Variants in PDE4A observed in about 807,000 individuals in gnomAD.
PDE4A encodes the protein phosphodiesterase 4A, also known as 3',5'-cyclic-AMP phosphodiesterase 4A.
In PDE4A, 21 loss-of-function variants were observed where a neutral mutation model predicts 73.9. The observed-to-expected ratio is 0.28, with a 90% CI of 0.20 to 0.41. The LOEUF is 0.41. Ranked by LOEUF, PDE4A falls within the 10% of genes least tolerant of loss-of-function variation. The pLI is 1.00. For missense variants in PDE4A, 958 were observed against 1,211.4 expected (o/e 0.79, Z 3.10); for synonymous variants, 463 against 505.4 (o/e 0.92, Z 1.13).
intron 1 of PDE4A, among the ~76,000 whole-genome samples, chr19:10,433,659 C>CCT (rs1336373857): frequency 1.3e-5 from 2 of 152,164 alleles, no homozygotes. Flanking sequence ...CACAGACCTC[C>CCT]CTCTCCCCCA....
At chr19:10,464,014 G>T (rs762914219) in intron 14 of PDE4A, 39 bp downstream of exon 14, 8 of 1,612,156 alleles carry the variant, frequency 5.0e-6, no homozygotes, top group Non-Finnish European at 6.8e-6. Context: ...CACAGGGTGA[G>T]TCTCCCCAGC....
chr19:10,454,989 C>G lies in PDE4A; in HGVS notation c.877+67C>G, dbSNP rs189264790. 4.2e-4 allele frequency: 620 copies of G among 1,481,532 alleles called. 1 individual carries two copies. The African/African-American group carries it at 7.6e-3, about 18-fold the overall frequency. The allele number at this position is 1,481,532 out of a possible 1,614,324, so 91.8% of individuals were successfully genotyped here. A position where few individuals can be genotyped will look rare whatever the true frequency, so the allele number is the denominator to read the frequency against. ...GGGGTAGAGAGGGGGCTGCCCCTGACCGTGGGTCCTGTTGCTCACATCTTC... is the reference window on the plus strand; with the variant it reads ...GGGGTAGAGAGGGGGCTGCCCCTGAGCGTGGGTCCTGTTGCTCACATCTTC... On this transcript the variant is annotated intron_variant, in intron 7 of 14. Transcript: ENST00000380702.
rs372643076 is a variant in PDE4A at position 10,458,031 on chromosome 19, A to T, written c.1030A>T (p.Ser344Cys). 1.2e-6 allele frequency: 2 copies of T among 1,613,826 alleles called. No individual in the cohort carries two copies. The highest frequency in any genetic ancestry group is 2.2e-5 in the East Asian group (1 of 44,900). ...CACAGGGTTGAAAAAGTTGATGCAT[A>T]GTAACAGCCTGAACAACTCTAACAT... ...QITGLKKLMH[S>C]NSLNNSNIPR... The change falls in exon 8 of 15, where the codon AGT becomes TGT. Residue 344 changes from serine to cysteine, a missense_variant. Physicochemically the swap from Ser to Cys is moderately radical, Grantham distance 112 (BLOSUM62 -1). Around this residue, in one of 3 missense-constraint regions of PDE4A, gnomAD observed 570 missense variants for 827.7 expected, o/e 0.69. Transcript: ENST00000380702. This position sits in a 1 kb window ranked among gnomAD's most constrained non-coding sequence, Gnocchi z 4.6.
intron 9 of PDE4A, 30 bp downstream of exon 9, chr19:10,459,528 G>A: frequency 6.2e-7 from 1 of 1,611,648 alleles, no homozygotes; most frequent in Non-Finnish European, 8.5e-7. Flanking sequence ...GTGGGCCCGG[G>A]TGAGGGGCTC....
rs745360517 is a variant in PDE4A, at chr19:10,420,739, C to G, written c.-26C>G. ...TGTAGGTTGGAAGGGCCAGGGCCCC[C>G]TGGGGCGCAAGTGGGGGCCGGCGCC... is the stretch of plus-strand genomic sequence containing the variant. On this transcript the variant is annotated 5_prime_UTR_variant, in exon 1 of 15. Transcript: ENST00000380702. This position sits in a 1 kb window ranked among gnomAD's most constrained non-coding sequence, Gnocchi z 6.0. 2 of 1,523,992 alleles carry G rather than the reference C, an allele frequency of 1.3e-6. No individual in the cohort carries two copies. Among genetic ancestry groups the G allele is most frequent in the Admixed American group, 2.1e-5 (1 of 48,696 alleles). 94.4% of individuals were successfully genotyped at this position (1,523,992 alleles called of 1,614,324 possible).
chr19:10,459,803 G>T (rs199990958), intron 10 of PDE4A, 44 bp downstream of exon 10: 4 of 1,560,092 alleles, frequency 2.6e-6, no homozygotes, highest in Non-Finnish European at 3.5e-6. Flanking sequence ...CTCTCTTTGT[G>T]ACTGCCTCTT....
In PDE4A at chr19:10,459,279, G is replaced by T. The variant is rs745477656; in HGVS notation, c.1102-121G>T. On this transcript the variant is annotated intron_variant, in intron 8 of 14. Coordinates refer to ENST00000380702, the MANE Select transcript of PDE4A (RefSeq NM_001111307.2). ...CAGTACATTCTGTGCTGTTGAACCT[G>T]TCACCCACTGGGTGAGCAATAATGG... 3.3e-6 allele frequency: 5 copies of T among 1,521,100 alleles called. No individual in the cohort carries two copies. The East Asian group carries it at 1.2e-4, about 36-fold the overall frequency. The allele number at this position is 1,521,100 out of a possible 1,614,324, so 94.2% of individuals were successfully genotyped here.
intron 1 of PDE4A, among the ~76,000 whole-genome samples, chr19:10,435,707 CCT>C (rs373528612): frequency 6.9e-4 from 105 of 152,250 alleles, no homozygotes; most frequent in African/African-American, 2.2e-3. Context: ...GGCAGCTACC[CCT>C]GTGTCTGGGT....
intron 1 of PDE4A, among the ~76,000 whole-genome samples, chr19:10,434,300 G>T (rs965867663): frequency 2.0e-5 from 3 of 150,772 alleles, no homozygotes; most frequent in African/African-American, 7.3e-5. Context: ...TGCCTCCCGG[G>T]TTCAAGCAAT....
At chr19:10,431,068 A>T in intron 1 of PDE4A, 1 of 1,566,922 alleles carries the variant, frequency 6.4e-7, no homozygotes, top group South Asian at 1.2e-5. Flanking sequence ...TTGGGCCGCC[A>T]GGCTTGGGCT....
intron 2 of PDE4A, chr19:10,448,681 T>C: frequency 3.7e-6 from 1 of 268,824 alleles, no homozygotes; most frequent in African/African-American, 2.3e-5. Flanking sequence ...CCCTCTCCCC[T>C]TTTCCACTTT....
chr19:10,459,254 C>T, intron 8 of PDE4A, 146 bp from the exon 9 acceptor site: 3 of 1,400,076 alleles, frequency 2.1e-6, no homozygotes, highest in Non-Finnish European at 2.9e-6. Flanking sequence ...AGGACGAGGG[C>T]AGTACATTCT....
intron 7 of PDE4A, among the ~76,000 whole-genome samples, 198 bp downstream of exon 7, chr19:10,455,120 G>A (rs771519564): frequency 3.9e-5 from 6 of 152,142 alleles, no homozygotes; most frequent in Non-Finnish European, 8.8e-5. Context: ...CTTCTATAGA[G>A]CCCAACATCT....
intron 7 of PDE4A, 109 bp from the exon 8 acceptor site, chr19:10,457,770 T>C (rs2043194614): frequency 6.6e-7 from 1 of 1,519,560 alleles, no homozygotes; most frequent in Admixed American, 2.1e-5. Context: ...GAAAGGGTTC[T>C]GCCGTTTCGG....
chr19:10,461,811 T>C (rs1223603636), intron 12 of PDE4A, 66 bp from the exon 13 acceptor site: 1 of 1,585,734 alleles, frequency 6.3e-7, no homozygotes, highest in East Asian at 2.2e-5. Context: ...TGGTGAAAAC[T>C]TCAGAGGCCC....
intron 2 of PDE4A, chr19:10,448,699 C>A: frequency 5.1e-6 from 2 of 390,780 alleles, no homozygotes; most frequent in Non-Finnish European, 7.0e-6. Flanking sequence ...TTTGTCTCTT[C>A]TCCCCGGACC....
Position 10,453,207 on chromosome 19 carries a change from G to T in PDE4A, c.784-1622G>T. 1 of 1,557,670 alleles carries T rather than the reference G, an allele frequency of 6.4e-7. No homozygotes were observed. On this transcript the variant is annotated intron_variant, in intron 6 of 14. Coordinates refer to ENST00000380702, the MANE Select transcript of PDE4A (RefSeq NM_001111307.2). The surrounding 1 kb of genome is among the most constrained non-coding windows in gnomAD (Gnocchi z 4.6). ...CCCTCCCCAGTGGTTGTTAACCCCG[G>T]GACTCCCCAAGCCCAGCCTCTGTGT...
At chr19:10,447,569 A>G (rs1288246024) in intron 2 of PDE4A, among the ~76,000 whole-genome samples, 3 of 150,978 alleles carry the variant, frequency 2.0e-5, no homozygotes, top group Non-Finnish European at 4.4e-5. Context: ...GGGTCTCACT[A>G]TGTTGCCTAG....
At chr19:10,456,387 G>C (rs1321983584) in intron 7 of PDE4A, among the ~76,000 whole-genome samples, 1 of 152,044 alleles carries the variant, frequency 6.6e-6, no homozygotes, top group African/African-American at 2.4e-5. Flanking sequence ...TTAGCTGCGC[G>C]TGTTGGCACA....
Sources: allele counts gnomAD v4.1 joint callset (sites outside exome capture counted in the v4.1 genomes callset), GRCh38; gene constraint gnomAD v4.1.1; regional missense constraint gnomAD v4.1.1; non-coding constraint Gnocchi (gnomAD v3.1); transcripts MANE v1.5; gene names NCBI Gene and HGNC (gene_info 2026-07-23, HGNC 2026-07-21).